ARHGAP20: variants seen among roughly 807,000 people sequenced by gnomAD.
ARHGAP20 encodes the protein Rho GTPase activating protein 20, also known as rho GTPase-activating protein 20.
ARHGAP20 carries 34 observed loss-of-function variants against 73.7 expected under a neutral mutation model. The observed-to-expected ratio is 0.46, with a 90% CI of 0.35 to 0.61. The LOEUF (loss-of-function observed/expected upper bound fraction) is 0.61. ARHGAP20 is among the 20% of genes least tolerant of loss of function. The pLI is 0.00. For missense variants in ARHGAP20, 1,314 were observed against 1,420.9 expected, an observed-to-expected ratio of 0.92 and a Z score of 1.21; for synonymous variants, 523 against 518.2, an observed-to-expected ratio of 1.01 and a Z score of -0.13.
chr11:110,660,215 G>C (rs1057225408), intron 2 of ARHGAP20, among the ~76,000 whole-genome samples: 6 of 152,048 alleles, frequency 3.9e-5, no homozygotes, highest in African/African-American at 1.2e-4. Flanking sequence ...TAAAATCGGC[G>C]TTTCTAACTT....
chr11:110,684,729 G>A (rs1033011227), intron 2 of ARHGAP20, among the ~76,000 whole-genome samples: 3 of 152,036 alleles, frequency 2.0e-5, no homozygotes, highest in African/African-American at 2.4e-5. Flanking sequence ...GGAATACTAC[G>A]CAGACATAAG....
intron 12 of ARHGAP20, among the ~76,000 whole-genome samples, chr11:110,584,154 C>T (rs908955962): frequency 1.3e-5 from 2 of 152,158 alleles, no homozygotes; most frequent in Admixed American, 6.5e-5. Flanking sequence ...AGTAGCAACA[C>T]AGAAATGCTG....
chr11:110,667,823 G>A (rs1949754541), intron 2 of ARHGAP20, among the ~76,000 whole-genome samples: 1 of 152,174 alleles, frequency 6.6e-6, no homozygotes. Context: ...CTCCAGTGGG[G>A]GAAGTCACTG....
At chr11:110,582,928 T>C (rs1947512467) in intron 13 of ARHGAP20, among the ~76,000 whole-genome samples, 1 of 152,180 alleles carries the variant, frequency 6.6e-6, no homozygotes, top group Non-Finnish European at 1.5e-5. Flanking sequence ...CACCTTCTGA[T>C]AGGCTCCCTA....
At position 110,676,813 on chromosome 11, in the gene ARHGAP20, A is replaced by G. The variant is rs546021520; in HGVS notation, c.188+13734T>C. On this transcript the variant is annotated intron_variant, in intron 2 of 14. Transcript: ENST00000683387. Reference sequence around the variant, plus strand: ...ATTATAGAGACTTAAATCTCCTCAAATAAGTTTTTTTTTTAAAAAATTGAC... The same window carrying G: ...ATTATAGAGACTTAAATCTCCTCAAGTAAGTTTTTTTTTTAAAAAATTGAC... Among the ~76,000 whole-genome samples, 14 of 148,724 alleles carry G rather than the reference A, an allele frequency of 9.4e-5. No individual in the cohort carries two copies. The South Asian group carries it at 2.5e-3, about 27-fold the overall frequency.
intron 3 of ARHGAP20, among the ~76,000 whole-genome samples, chr11:110,627,410 A>G (rs1188676729): frequency 3.3e-5 from 5 of 152,174 alleles, no homozygotes; most frequent in Admixed American, 3.3e-4. Context: ...TTATTTTGAC[A>G]ACGTAGTCCC....
intron 9 of ARHGAP20, among the ~76,000 whole-genome samples, chr11:110,593,501 G>A (rs1204963712): frequency 2.6e-5 from 4 of 152,180 alleles, no homozygotes; most frequent in Admixed American, 6.5e-5. Context: ...AGATATAGAG[G>A]TCAAAGTGTG....
chr11:110,658,370 G>C (rs371473996), intron 2 of ARHGAP20, among the ~76,000 whole-genome samples: 9 of 152,110 alleles, frequency 5.9e-5, no homozygotes, highest in South Asian at 2.1e-4. Context: ...AGGGTCACAT[G>C]CTTTAGGAAA....
intron 1 of ARHGAP20, among the ~76,000 whole-genome samples, chr11:110,709,407 TATC>T (rs1463218640): frequency 5.9e-5 from 9 of 152,352 alleles, no homozygotes; most frequent in African/African-American, 2.2e-4. Context: ...AGGTCCCTAT[TATC>T]ATAGTTTTCA....
intron 6 of ARHGAP20, among the ~76,000 whole-genome samples, chr11:110,613,869 AG>A (rs1948425270): frequency 6.6e-6 from 1 of 152,190 alleles, no homozygotes; most frequent in Non-Finnish European, 1.5e-5. Flanking sequence ...GCTGCTGTGA[AG>A]TATGACAGTT....
intron 2 of ARHGAP20, among the ~76,000 whole-genome samples, chr11:110,679,197 G>C (rs750761602): frequency 2.6e-5 from 4 of 152,136 alleles, no homozygotes; most frequent in Non-Finnish European, 4.4e-5. Flanking sequence ...TCATGACATG[G>C]CTTCCTCCAG....
At chr11:110,602,534 A>C (rs1038146682) in intron 9 of ARHGAP20, among the ~76,000 whole-genome samples, 4 of 152,178 alleles carry the variant, frequency 2.6e-5, no homozygotes, top group African/African-American at 9.7e-5. Flanking sequence ...CTACAATAAA[A>C]GTTAAGTTTC....
chr11:110,643,926 G>A (rs910972240), intron 2 of ARHGAP20, among the ~76,000 whole-genome samples: 1 of 152,044 alleles, frequency 6.6e-6, no homozygotes, highest in African/African-American at 2.4e-5. Flanking sequence ...ATGAATCTGG[G>A]TGCTCTAATT....
chr11:110,657,835 C>T (rs1328432486), intron 2 of ARHGAP20, among the ~76,000 whole-genome samples: 1 of 151,088 alleles, frequency 6.6e-6, no homozygotes, highest in Non-Finnish European at 1.5e-5. Context: ...GCGGAGGTTG[C>T]AGTGAGCCAA....
Position 110,580,465 on chromosome 11 carries a change from G to T in ARHGAP20, c.2481C>A (p.Tyr827Ter). The change falls in exon 15 of 15, where the codon TAC (tyrosine) becomes TAA (stop). Residue 827 changes from tyrosine to a stop codon, truncating the protein, a stop_gained. Coordinates refer to ENST00000683387, the MANE Select transcript of ARHGAP20 (RefSeq NM_001384657.1). LOFTEE classifies it low-confidence loss of function (END_TRUNC). Reference sequence around the variant, plus strand: ...GGGCATCTGCTGTGTGTGGTGGGGAGTATCCAGATGTATTCACATCAAAGG... The same window carrying T: ...GGGCATCTGCTGTGTGTGGTGGGGATTATCCAGATGTATTCACATCAAAGG... The part of the protein sequence containing the change: ...NQPFDVNTSG[Y>*]SPPHTADALK... 1.9e-6 allele frequency: 3 copies of T among 1,614,160 alleles called. No individual in the cohort carries two copies. The highest frequency in any genetic ancestry group is 2.5e-6 in the Non-Finnish European group (3 of 1,180,034).
chr11:110,627,157 T>C (rs984328419), intron 3 of ARHGAP20, among the ~76,000 whole-genome samples: 5 of 152,108 alleles, frequency 3.3e-5, no homozygotes, highest in Admixed American at 6.6e-5. Context: ...GGCATGATCT[T>C]GGCTCACTGC....
chr11:110,680,385 AG>A (rs1950014883), intron 2 of ARHGAP20, among the ~76,000 whole-genome samples: 1 of 152,144 alleles, frequency 6.6e-6, no homozygotes, highest in East Asian at 1.9e-4. Context: ...CTTTTTTTCA[AG>A]GTTCTGAAGG....
chr11:110,578,129 C>T lies in ARHGAP20; in HGVS notation c.*1241G>A, dbSNP rs1947337192. ...TAGGTGACGAGATGTACTGCTGCAA[C>T]CTTTAAGTCAAGAAAGCAGAGAAAG... On this transcript the variant is annotated 3_prime_UTR_variant, in exon 15 of 15. Transcript: ENST00000683387. The T allele has an allele frequency of 4.1e-6, 4 of 985,368 alleles. No individual in the cohort carries two copies. The highest frequency in any genetic ancestry group is 4.8e-6 in the Non-Finnish European group (4 of 829,932). The allele number at this position is 985,368 out of a possible 1,614,324, so 61.0% of individuals were successfully genotyped here.
At chr11:110,635,285 T>C (rs938223102) in intron 2 of ARHGAP20, among the ~76,000 whole-genome samples, 1 of 152,092 alleles carries the variant, frequency 6.6e-6, no homozygotes, top group Non-Finnish European at 1.5e-5. Flanking sequence ...GGGAACATGT[T>C]TTAAAAATGC....
Sources: allele counts gnomAD v4.1 joint callset (sites outside exome capture counted in the v4.1 genomes callset), GRCh38; gene constraint gnomAD v4.1.1; transcripts MANE v1.5; gene names NCBI Gene and HGNC (gene_info 2026-07-23, HGNC 2026-07-21).